Variants in SUGCT observed in about 807,000 individuals in gnomAD.
SUGCT encodes the protein succinyl-CoA:glutarate CoA-transferase.
A neutral mutation model predicts 55.0 loss-of-function variants in SUGCT; 41 were observed. The ratio of observed to expected loss-of-function variants is 0.74; its 90% CI spans 0.58 to 0.97. The LOEUF is 0.97. SUGCT is among the 50% of genes least tolerant of loss of function. The pLI is 0.00. For missense variants in SUGCT, 568 were observed against 547.8 expected, an observed-to-expected ratio of 1.04 and a Z score of -0.37; for synonymous variants, 187 against 200.4, an observed-to-expected ratio of 0.93 and a Z score of 0.56.
chr7:40,308,387 T>G (rs1400889114), intron 8 of SUGCT, among the ~76,000 whole-genome samples: 3 of 152,158 alleles, frequency 2.0e-5, no homozygotes, highest in Admixed American at 6.6e-5. Flanking sequence ...CTTAATCTCC[T>G]TGGTCTTTAG....
chr7:40,858,763 T>G (rs1160673256), intron 13 of SUGCT, among the ~76,000 whole-genome samples: 1 of 152,130 alleles, frequency 6.6e-6, no homozygotes, highest in Non-Finnish European at 1.5e-5. Context: ...AGTCATGCAC[T>G]GGGGCATTTA....
chr7:40,856,617 G>T (rs1257339188), intron 13 of SUGCT, among the ~76,000 whole-genome samples: 2 of 152,088 alleles, frequency 1.3e-5, no homozygotes, highest in Non-Finnish European at 2.9e-5. Context: ...AATTTTTATG[G>T]GCTGTAGGTT....
rs187301935 is a variant in SUGCT at position 40,279,420 on chromosome 7, A to G, written c.720+4764A>G. 2.4e-3 allele frequency among the ~76,000 whole-genome samples: 361 copies of G among 152,248 alleles called. 1 individual carries two copies. Among genetic ancestry groups the G allele is most frequent in the African/African-American group, 7.8e-3 (325 of 41,556 alleles). On this transcript the variant is annotated intron_variant, in intron 8 of 13. Transcript: ENST00000335693. ...ACAGGTGATTCCTCCAAAGAATGGC[A>G]TGGTTATTTTTTGGCCAGAAAAGAG...
At chr7:40,809,925 C>T (rs1791315789) in intron 13 of SUGCT, among the ~76,000 whole-genome samples, 1 of 152,126 alleles carries the variant, frequency 6.6e-6, no homozygotes, top group African/African-American at 2.4e-5. Flanking sequence ...TAATAGCCTC[C>T]AGCTGCATCC....
intron 9 of SUGCT, among the ~76,000 whole-genome samples, chr7:40,336,865 T>TTTTA (rs770899589): frequency 0.014 from 2,203 of 152,350 alleles, 47 homozygotes; most frequent in South Asian, 0.059. Context: ...AGATCTTTCC[T>TTTTA]GCTTTGTCTT....
intron 12 of SUGCT, among the ~76,000 whole-genome samples, chr7:40,708,808 T>TATTCCC (rs1785556276): frequency 6.6e-6 from 1 of 152,172 alleles, no homozygotes; most frequent in Non-Finnish European, 1.5e-5. Context: ...TATCATGCTC[T>TATTCCC]ATTCCCTTCC....
chr7:40,413,742 TG>T (rs1786820342), intron 9 of SUGCT, among the ~76,000 whole-genome samples: 1 of 152,060 alleles, frequency 6.6e-6, no homozygotes, highest in Non-Finnish European at 1.5e-5. Context: ...AAATCCTAAT[TG>T]TAAAACAAGC....
intron 12 of SUGCT, among the ~76,000 whole-genome samples, chr7:40,656,172 A>T (rs184832485): frequency 6.6e-4 from 100 of 152,266 alleles, no homozygotes; most frequent in African/African-American, 2.3e-3. Context: ...TCCCAGAGTC[A>T]CACAGCTAGT....
chr7:40,912,538 G>A, the SUGCT span, among the ~76,000 whole-genome samples: 1 of 152,034 alleles, frequency 6.6e-6, no homozygotes. Flanking sequence ...TGTTTTGGTC[G>A]ACAGTTGCCA....
At position 40,175,242 on chromosome 7, in the gene SUGCT, CAG is replaced by C. The variant is rs934882628; in HGVS notation, c.101-5702_101-5701del. On this transcript the variant is annotated intron_variant, in intron 1 of 13. Transcript: ENST00000335693. ...GTTTAAATTTTTTTTTTTTTCGAGA[CAG>C]AGTCTCACTCTGTCTCCCAGGCTGG... 2.8e-3 allele frequency among the ~76,000 whole-genome samples: 425 copies of C among 150,348 alleles called. 3 individuals are homozygous for C. The highest frequency in any genetic ancestry group is 9.9e-3 in the African/African-American group (405 of 40,866).
At chr7:40,957,307 T>C in the SUGCT span, among the ~76,000 whole-genome samples, 2 of 152,186 alleles carry the variant, frequency 1.3e-5, no homozygotes, top group Non-Finnish European at 2.9e-5. Flanking sequence ...GCTCCTGTAC[T>C]GGGTGCATAT....
intron 9 of SUGCT, among the ~76,000 whole-genome samples, chr7:40,328,259 A>G (rs1796115192): frequency 1.3e-5 from 2 of 152,354 alleles, no homozygotes; most frequent in Non-Finnish European, 2.9e-5. Context: ...ACATCTTTTG[A>G]ATAAATCCTT....
At chr7:40,928,000 A>ATC in the SUGCT span, among the ~76,000 whole-genome samples, 1 of 152,070 alleles carries the variant, frequency 6.6e-6, no homozygotes, top group Non-Finnish European at 1.5e-5. Flanking sequence ...TTGCTAATGA[A>ATC]TCTCTAGTGG....
At chr7:40,524,241 G>A (rs2151580910) in intron 12 of SUGCT, among the ~76,000 whole-genome samples, 1 of 152,158 alleles carries the variant, frequency 6.6e-6, no homozygotes, top group South Asian at 2.1e-4. Context: ...TTTCCAACTG[G>A]CTTAGTAAAC....
At chr7:40,952,338 T>C in the SUGCT span, among the ~76,000 whole-genome samples, 2 of 151,692 alleles carry the variant, frequency 1.3e-5, no homozygotes, top group South Asian at 4.3e-4. Context: ...ATTTTGAGCC[T>C]ATGTGTGTTT....
At chr7:40,584,837 A>G (rs1797292547) in intron 12 of SUGCT, among the ~76,000 whole-genome samples, 2 of 152,226 alleles carry the variant, frequency 1.3e-5, no homozygotes, top group South Asian at 4.1e-4. Context: ...TGGGAGTGAT[A>G]GTAATGACTC....
chr7:40,414,984 G>T (rs1786890889), intron 9 of SUGCT, among the ~76,000 whole-genome samples: 1 of 147,134 alleles, frequency 6.8e-6, no homozygotes, highest in African/African-American at 2.5e-5. Flanking sequence ...GGCGGATGTT[G>T]CACTGAGCCG....
intron 12 of SUGCT, among the ~76,000 whole-genome samples, chr7:40,570,445 A>G (rs1216805267): frequency 6.6e-6 from 1 of 152,230 alleles, no homozygotes; most frequent in East Asian, 1.9e-4. Flanking sequence ...CAAGTTTTGC[A>G]GAACTGAAGA....
At chr7:40,172,517 T>G (rs1474067711) in intron 1 of SUGCT, among the ~76,000 whole-genome samples, 1 of 152,068 alleles carries the variant, frequency 6.6e-6, no homozygotes, top group African/African-American at 2.4e-5. Context: ...CATTAGTACC[T>G]AGGAGGCAGG....
Sources: allele counts gnomAD v4.1 joint callset (sites outside exome capture counted in the v4.1 genomes callset), GRCh38; gene constraint gnomAD v4.1.1; transcripts MANE v1.5; gene names NCBI Gene and HGNC (gene_info 2026-07-23, HGNC 2026-07-21).